The following RNF13 variants were observed in gnomAD, a reference collection of about 807,000 sequenced individuals.
RNF13 encodes the protein E3 ubiquitin-protein ligase RNF13.
RNF13 carries 19 observed loss-of-function variants against 37.7 expected under a neutral mutation model. The observed-to-expected ratio is 0.50, with a 90% CI of 0.35 to 0.74. RNF13 has a LOEUF of 0.74. RNF13 is among the 30% of genes least tolerant of loss of function. The pLI is 0.01. For synonymous variants in RNF13, 144 were observed against 157.8 expected (o/e 0.91, Z 0.65); for missense variants, 375 against 453.0 (o/e 0.83, Z 1.56).
At chr3:149,871,930 A>T in intron 3 of RNF13, 99 bp from the exon 4 acceptor site, 2 of 1,020,822 alleles carry the variant, frequency 2.0e-6, no homozygotes, top group Non-Finnish European at 1.4e-6. Context: ...CATCTAGCAT[A>T]ATGCAAAACA....
At chr3:149,933,124 A>T (rs1432704477) in intron 8 of RNF13, among the ~76,000 whole-genome samples, 1 of 151,004 alleles carries the variant, frequency 6.6e-6, no homozygotes, top group East Asian at 2.0e-4. Flanking sequence ...GGCCCTTTTG[A>T]GCTGAGGCTG....
chr3:149,833,986 TC>T (rs1269215504), intron 1 of RNF13, among the ~76,000 whole-genome samples: 3 of 152,002 alleles, frequency 2.0e-5, no homozygotes, highest in Non-Finnish European at 4.4e-5. Flanking sequence ...CAGCGAACTA[TC>T]CAAAAAGGAA....
At chr3:149,875,722 T>C (rs1402457037) in intron 4 of RNF13, among the ~76,000 whole-genome samples, 1 of 152,184 alleles carries the variant, frequency 6.6e-6, no homozygotes, top group Non-Finnish European at 1.5e-5. Context: ...TTTGAATATG[T>C]AGAATATCCA....
At chr3:149,827,847 T>A (rs887093305) in intron 1 of RNF13, among the ~76,000 whole-genome samples, 4 of 152,140 alleles carry the variant, frequency 2.6e-5, no homozygotes, top group African/African-American at 9.6e-5. Context: ...TGGTGGCTCA[T>A]GCCTGTTATC....
chr3:149,880,925 G>A (rs556804630), intron 4 of RNF13, among the ~76,000 whole-genome samples: 1 of 152,142 alleles, frequency 6.6e-6, no homozygotes, highest in African/African-American at 2.4e-5. Context: ...CCCACAGTAA[G>A]AAGTTTATTT....
At chr3:149,888,401 T>G (rs1342603175) in intron 4 of RNF13, among the ~76,000 whole-genome samples, 1 of 152,228 alleles carries the variant, frequency 6.6e-6, no homozygotes, top group Non-Finnish European at 1.5e-5. Flanking sequence ...ATCAGATATC[T>G]TTTGCCCATT....
chr3:149,864,008 ATTTTTTTT>A (rs535062004), intron 3 of RNF13, among the ~76,000 whole-genome samples: 16 of 29,692 alleles, frequency 5.4e-4, no homozygotes, highest in African/African-American at 2.4e-3. Flanking sequence ...TTTGATTGGA[ATTTTTTTT>A]TTTTTTTTTT....
chr3:149,951,279 C>T (rs1165556261), intron 8 of RNF13, among the ~76,000 whole-genome samples: 1 of 152,176 alleles, frequency 6.6e-6, no homozygotes, highest in Non-Finnish European at 1.5e-5. Context: ...GGGAATGTTT[C>T]TCAGCTCTTC....
intron 1 of RNF13, among the ~76,000 whole-genome samples, chr3:149,829,333 C>T (rs183396923): frequency 1.1e-4 from 16 of 152,252 alleles, no homozygotes; most frequent in Admixed American, 6.5e-4. Flanking sequence ...CTCCTGACCT[C>T]GGGCGATCCT....
At chr3:149,916,787 T>C (rs1334183231) in intron 7 of RNF13, among the ~76,000 whole-genome samples, 1 of 152,120 alleles carries the variant, frequency 6.6e-6, no homozygotes, top group Non-Finnish European at 1.5e-5. Context: ...AAAATAAACA[T>C]TATTAAATGG....
At chr3:149,918,282 C>T (rs1043287248) in intron 7 of RNF13, among the ~76,000 whole-genome samples, 2 of 152,122 alleles carry the variant, frequency 1.3e-5, no homozygotes, top group African/African-American at 4.8e-5. Context: ...GCTCAGTAGT[C>T]ACATGTACTT....
chr3:149,827,946 TA>T (rs1377908065), intron 1 of RNF13, among the ~76,000 whole-genome samples: 2 of 150,654 alleles, frequency 1.3e-5, no homozygotes, highest in African/African-American at 4.9e-5. Flanking sequence ...CCTATCTCTC[TA>T]TTTTTTTTTT....
chr3:149,864,488 C>G (rs976717671), intron 3 of RNF13, among the ~76,000 whole-genome samples: 1 of 152,090 alleles, frequency 6.6e-6, no homozygotes, highest in Admixed American at 6.5e-5. Flanking sequence ...TATAAACGCA[C>G]CAAGACAGTA....
intron 1 of RNF13, among the ~76,000 whole-genome samples, chr3:149,821,171 C>T (rs1023043073): frequency 1.1e-4 from 17 of 151,982 alleles, no homozygotes; most frequent in African/African-American, 3.9e-4. Context: ...TTCACTTTTT[C>T]GGGTATATAC....
intron 8 of RNF13, among the ~76,000 whole-genome samples, chr3:149,955,063 T>A (rs1721731000): frequency 6.6e-6 from 1 of 152,122 alleles, no homozygotes; most frequent in African/African-American, 2.4e-5. Context: ...AGCAGCCAGA[T>A]CCCTGAAATA....
At chr3:149,829,195 G>C (rs757441432) in intron 1 of RNF13, among the ~76,000 whole-genome samples, 7 of 152,138 alleles carry the variant, frequency 4.6e-5, no homozygotes, top group Admixed American at 2.0e-4. Context: ...TTCCTCCCAG[G>C]TTCAAGCGAT....
At chr3:149,942,466 T>C (rs1206173149) in intron 8 of RNF13, among the ~76,000 whole-genome samples, 1 of 152,152 alleles carries the variant, frequency 6.6e-6, no homozygotes, top group Non-Finnish European at 1.5e-5. Context: ...GTAAATGGAA[T>C]TGTTTTCTTA....
chr3:149,921,162 G>A lies in RNF13; in HGVS notation c.635G>A (p.Arg212Lys). The change falls in exon 8 of 10, where the codon AGA becomes AAA. Residue 212 changes from arginine (R) to lysine (K), a missense_variant. Arg to Lys is a conservative substitution (Grantham distance 26). Transcript: ENST00000392894. ...MITKFVQDRH[R>K]ARRNRLRKDQ... is the part of the protein sequence containing the mutation. ...ACAAAATTTGTCCAGGATAGACATA[G>A]AGCTAGAAGAAACAGACTTCGTAAA... is the stretch of plus-strand genomic sequence containing the variant. 7.0e-7 allele frequency: 1 copy of A among 1,420,964 alleles called. No homozygotes were observed. Among genetic ancestry groups the A allele is most frequent in the South Asian group, 1.7e-5 (1 of 58,640 alleles). The allele number at this position is 1,420,964 out of a possible 1,614,324, so 88.0% of individuals were successfully genotyped here. A position where few individuals can be genotyped will look rare whatever the true frequency, so the allele number is the denominator to read the frequency against.
intron 3 of RNF13, among the ~76,000 whole-genome samples, chr3:149,853,917 A>T (rs1224040750): frequency 6.7e-6 from 1 of 149,882 alleles, no homozygotes; most frequent in African/African-American, 2.5e-5. Flanking sequence ...GCTCACTGCA[A>T]CGTCCGCCTT....
Sources: allele counts gnomAD v4.1 joint callset (sites outside exome capture counted in the v4.1 genomes callset), GRCh38; gene constraint gnomAD v4.1.1; transcripts MANE v1.5; gene names NCBI Gene and HGNC (gene_info 2026-07-23, HGNC 2026-07-21).